RIMS2: variants seen among roughly 807,000 people sequenced by gnomAD.
RIMS2 encodes regulating synaptic membrane exocytosis 2.
RIMS2 carries 59 observed loss-of-function variants against 174.4 expected under a neutral mutation model. The ratio of observed to expected loss-of-function variants is 0.34; its 90% CI spans 0.27 to 0.42. The LOEUF is 0.42. Among genes scored for constraint, RIMS2 ranks in the 10% least tolerant of loss-of-function variants. The pLI is 1.00. For synonymous variants in RIMS2, 606 were observed against 572.5 expected (o/e 1.06, Z -0.84); for missense variants, 1,620 against 1,666.3 (o/e 0.97, Z 0.48).
chr8:103,887,867 T>C (rs2099214629), intron 4 of RIMS2, among the ~76,000 whole-genome samples: 1 of 151,578 alleles, frequency 6.6e-6, no homozygotes, highest in Non-Finnish European at 1.5e-5. Flanking sequence ...ATAAGGAAGA[T>C]GTGAGTAGCG....
At position 103,738,718 on chromosome 8, in the gene RIMS2, G is replaced by C. The variant is rs553985099; in HGVS notation, c.388-27509G>C. ...ACAACCCCATCAAAAAGTGGGCAAA[G>C]GGTATGAACAGACACTTCTCAAAAG... On this transcript the variant is annotated intron_variant, in intron 2 of 23. Transcript: ENST00000504942. Among the ~76,000 whole-genome samples the C allele has an allele frequency of 2.0e-5, 3 of 152,276 alleles. No homozygotes were observed. The South Asian group carries it at 6.2e-4, about 32-fold the overall frequency.
At chr8:104,020,214 G>GAA (rs2096052638) in intron 19 of RIMS2, among the ~76,000 whole-genome samples, 1 of 151,380 alleles carries the variant, frequency 6.6e-6, no homozygotes, top group East Asian at 1.9e-4. Flanking sequence ...CATCTTTTTT[G>GAA]ATGTGCTTGG....
chr8:103,538,013 A>G (rs543332318), intron 1 of RIMS2, among the ~76,000 whole-genome samples: 66 of 152,182 alleles, frequency 4.3e-4, no homozygotes, highest in Non-Finnish European at 7.6e-4. Flanking sequence ...TATATGGAAT[A>G]TGTTTACTGT....
At chr8:103,931,270 T>C in exon 12 of RIMS2, 1 of 1,594,726 alleles carries the variant, frequency 6.3e-7, no homozygotes, top group Non-Finnish European at 8.5e-7. Context: ...CAGATAAAAC[T>C]ATGGTTTGAC....
chr8:104,089,563 G>A (rs2097597899), intron 19 of RIMS2, among the ~76,000 whole-genome samples: 1 of 151,756 alleles, frequency 6.6e-6, no homozygotes, highest in Non-Finnish European at 1.5e-5. Context: ...TCACTGTCCA[G>A]ATTTCTCATT....
chr8:103,593,860 G>T (rs1278938436), intron 1 of RIMS2, among the ~76,000 whole-genome samples: 2 of 151,046 alleles, frequency 1.3e-5, no homozygotes, highest in Non-Finnish European at 3.0e-5. Context: ...CTAAAAAGTA[G>T]ATAGAAATAT....
At chr8:103,738,064 G>T (rs556455074) in intron 2 of RIMS2, among the ~76,000 whole-genome samples, 1 of 152,094 alleles carries the variant, frequency 6.6e-6, no homozygotes, top group East Asian at 1.9e-4. Context: ...AGTAGCATAG[G>T]GCTTGGTACA....
intron 1 of RIMS2, chr8:103,568,708 G>C (rs2092574329): frequency 1.3e-6 from 1 of 785,862 alleles, no homozygotes. Context: ...TGTTCTTCTA[G>C]CTTACATAAG....
chr8:103,724,659 T>G (rs993041883), intron 2 of RIMS2, among the ~76,000 whole-genome samples: 1 of 152,224 alleles, frequency 6.6e-6, no homozygotes, highest in Admixed American at 6.5e-5. Flanking sequence ...TTTATTTTGA[T>G]GTACAATATA....
chr8:103,792,642 T>G (rs996733789), intron 3 of RIMS2, among the ~76,000 whole-genome samples: 14 of 149,174 alleles, frequency 9.4e-5, no homozygotes, highest in Non-Finnish European at 1.6e-4. Context: ...AGCTGGTTTT[T>G]TTTTTTTTTT....
intron 14 of RIMS2, among the ~76,000 whole-genome samples, chr8:103,943,730 G>A (rs1310570596): frequency 1.3e-5 from 2 of 152,092 alleles, no homozygotes; most frequent in African/African-American, 2.4e-5. Flanking sequence ...ATCTACTATT[G>A]GAGACTGAGG....
At chr8:104,249,504 A>C (rs764242643) in exon 22 of RIMS2, 1 of 1,606,298 alleles carries the variant, frequency 6.2e-7, no homozygotes, top group South Asian at 1.1e-5. Context: ...TCAGGTAGGA[A>C]TGATGGACAA....
At chr8:103,795,487 A>G (rs1484178561) in intron 3 of RIMS2, among the ~76,000 whole-genome samples, 1 of 152,054 alleles carries the variant, frequency 6.6e-6, no homozygotes, top group Non-Finnish European at 1.5e-5. Flanking sequence ...AATGAAAATG[A>G]GTTAATGCGT....
intron 19 of RIMS2, among the ~76,000 whole-genome samples, chr8:104,101,093 TATA>T (rs2097887579): frequency 6.9e-6 from 1 of 144,510 alleles, no homozygotes; most frequent in African/African-American, 2.5e-5. Flanking sequence ...ATATGTAATA[TATA>T]ATATTGCATA....
chr8:103,819,769 G>A (rs2098740478), intron 3 of RIMS2: 3 of 583,656 alleles, frequency 5.1e-6, no homozygotes, highest in Non-Finnish European at 5.6e-6. Flanking sequence ...ATTTTATATA[G>A]CATTCTTAAT....
chr8:103,517,248 T>A (rs1829443482), intron 1 of RIMS2, among the ~76,000 whole-genome samples: 1 of 152,180 alleles, frequency 6.6e-6, no homozygotes, highest in South Asian at 2.1e-4. Flanking sequence ...AAGATCACAT[T>A]CAAACTGGCC....
chr8:103,731,243 G>GT (rs1213075051), intron 2 of RIMS2, among the ~76,000 whole-genome samples: 2 of 151,884 alleles, frequency 1.3e-5, no homozygotes, highest in Non-Finnish European at 2.9e-5. Context: ...AGGATAAAAG[G>GT]TTTTTTTTCT....
chr8:104,148,626 C>T (rs1474854784), intron 19 of RIMS2: 1 of 1,597,566 alleles, frequency 6.3e-7, no homozygotes, highest in Non-Finnish European at 8.5e-7. Flanking sequence ...ATCCAAAATG[C>T]AAAGCAGACA....
chr8:104,196,277 A>T (rs902773692), intron 19 of RIMS2, among the ~76,000 whole-genome samples: 3 of 152,130 alleles, frequency 2.0e-5, no homozygotes, highest in South Asian at 2.1e-4. Flanking sequence ...AACTTTTTAT[A>T]TCCATTCACT....
Sources: allele counts gnomAD v4.1 joint callset (sites outside exome capture counted in the v4.1 genomes callset), GRCh38; gene constraint gnomAD v4.1.1; transcripts MANE v1.5; gene names NCBI Gene and HGNC (gene_info 2026-07-23, HGNC 2026-07-21).